The following SPOCK3 variants were observed in gnomAD, a reference collection of about 807,000 sequenced individuals.
The protein encoded by SPOCK3 is SPARC (osteonectin), cwcv and kazal like domains proteoglycan 3, also known as testican-3.
Under a neutral mutation model 56.6 loss-of-function variants are expected in SPOCK3, and 30 were observed. The observed-to-expected ratio is 0.53, with a 90% CI of 0.40 to 0.72. SPOCK3 has a LOEUF of 0.72. Among genes scored for constraint, SPOCK3 ranks in the 30% least tolerant of loss-of-function variants. The pLI is 0.00. For synonymous variants in SPOCK3, 196 were observed against 183.3 expected, an observed-to-expected ratio of 1.07 and a Z score of -0.56; for missense variants, 527 against 530.0, an observed-to-expected ratio of 0.99 and a Z score of 0.06.
At chr4:166,966,636 T>C (rs1404615513) in intron 4 of SPOCK3, among the ~76,000 whole-genome samples, 2 of 152,178 alleles carry the variant, frequency 1.3e-5, no homozygotes, top group Non-Finnish European at 2.9e-5. Context: ...ATGACTACAA[T>C]CATCGTTTGT....
chr4:166,865,117 G>A (rs998857095), intron 6 of SPOCK3, among the ~76,000 whole-genome samples: 1 of 152,182 alleles, frequency 6.6e-6, no homozygotes, highest in Non-Finnish European at 1.5e-5. Context: ...TAGGATGCAA[G>A]GCTGGTTCAA....
intron 4 of SPOCK3, among the ~76,000 whole-genome samples, chr4:166,925,615 G>C (rs1454214848): frequency 6.6e-6 from 1 of 151,856 alleles, no homozygotes; most frequent in Non-Finnish European, 1.5e-5. Flanking sequence ...TGAAATAATA[G>C]AAAATGATTT....
At chr4:167,190,524 T>C (rs1732385984) in intron 2 of SPOCK3, among the ~76,000 whole-genome samples, 2 of 146,328 alleles carry the variant, frequency 1.4e-5, no homozygotes, top group Non-Finnish European at 3.0e-5. Context: ...TGTTAAGCCC[T>C]TATCTGATTT....
At chr4:167,102,873 AG>A (rs1759776696) in intron 2 of SPOCK3, among the ~76,000 whole-genome samples, 2 of 149,186 alleles carry the variant, frequency 1.3e-5, no homozygotes, top group South Asian at 4.3e-4. Flanking sequence ...AGGACGGCTA[AG>A]GAAGTGTTTG....
At chr4:166,810,068 C>T (rs1743607535) in intron 6 of SPOCK3, among the ~76,000 whole-genome samples, 1 of 152,202 alleles carries the variant, frequency 6.6e-6, no homozygotes, top group Non-Finnish European at 1.5e-5. Context: ...ACCCAAACAT[C>T]CAGTTATCTT....
At chr4:167,025,889 ACCTAGGCTACATGGTGGAGCCTATTGCT>A (rs1401385451) in intron 3 of SPOCK3, among the ~76,000 whole-genome samples, 1 of 152,038 alleles carries the variant, frequency 6.6e-6, no homozygotes, top group African/African-American at 2.4e-5. Context: ...TCTACTACTC[ACCTAGGCTACATGGTGGAGCCTATTGCT>A]CCTAGGCTAC....
At chr4:167,140,131 C>A (rs900477344) in intron 2 of SPOCK3, among the ~76,000 whole-genome samples, 1 of 152,008 alleles carries the variant, frequency 6.6e-6, no homozygotes, top group Non-Finnish European at 1.5e-5. Flanking sequence ...CCGGATGGAG[C>A]CATCTTACCT....
At chr4:166,883,841 A>T (rs978198028) in intron 6 of SPOCK3, among the ~76,000 whole-genome samples, 26 of 152,228 alleles carry the variant, frequency 1.7e-4, no homozygotes, top group African/African-American at 5.8e-4. Context: ...AATTTAAGAA[A>T]ATTTAAATAA....
intron 3 of SPOCK3, among the ~76,000 whole-genome samples, chr4:167,055,904 C>T (rs999125354): frequency 6.6e-6 from 1 of 152,170 alleles, no homozygotes; most frequent in Non-Finnish European, 1.5e-5. Flanking sequence ...CAGCACTAAC[C>T]TCTGCAGACT....
At chr4:166,992,104 T>A (rs935005397) in intron 4 of SPOCK3, among the ~76,000 whole-genome samples, 17 of 152,134 alleles carry the variant, frequency 1.1e-4, no homozygotes, top group African/African-American at 4.1e-4. Flanking sequence ...AAACATGTTA[T>A]GTTAAAACAA....
chr4:166,909,506 A>C (rs1737021488), intron 5 of SPOCK3, among the ~76,000 whole-genome samples: 1 of 152,072 alleles, frequency 6.6e-6, no homozygotes, highest in Non-Finnish European at 1.5e-5. Flanking sequence ...AACTTGTAGG[A>C]ATATTATTTG....
intron 2 of SPOCK3, among the ~76,000 whole-genome samples, chr4:167,107,227 G>T (rs902412049): frequency 1.3e-5 from 2 of 151,878 alleles, no homozygotes; most frequent in African/African-American, 4.8e-5. Flanking sequence ...CAATATTCCT[G>T]ATGAATATTA....
At chr4:167,039,071 G>A (rs1753017067) in intron 3 of SPOCK3, among the ~76,000 whole-genome samples, 1 of 152,092 alleles carries the variant, frequency 6.6e-6, no homozygotes, top group African/African-American at 2.4e-5. Flanking sequence ...CTTCTTGAGG[G>A]CTCCAAGAGA....
intron 4 of SPOCK3, among the ~76,000 whole-genome samples, chr4:166,992,885 A>C (rs974972900): frequency 1.3e-5 from 2 of 152,128 alleles, no homozygotes; most frequent in African/African-American, 2.4e-5. Flanking sequence ...TGGATGGCAG[A>C]GTAACAGCTT....
chr4:167,060,403 C>T (rs1321584749), intron 3 of SPOCK3, among the ~76,000 whole-genome samples: 1 of 151,624 alleles, frequency 6.6e-6, no homozygotes, highest in Non-Finnish European at 1.5e-5. Flanking sequence ...CATGTCTTTT[C>T]TATGTAGATG....
chr4:167,011,018 G>T (rs1749992714), intron 3 of SPOCK3, among the ~76,000 whole-genome samples: 1 of 151,802 alleles, frequency 6.6e-6, no homozygotes, highest in African/African-American at 2.4e-5. Context: ...AAGAGCAAGA[G>T]ATTTCATAAC....
chr4:166,942,237 A>G (rs1489149545), intron 4 of SPOCK3, among the ~76,000 whole-genome samples: 1 of 151,852 alleles, frequency 6.6e-6, no homozygotes, highest in African/African-American at 2.4e-5. Context: ...TTTTAGATGG[A>G]GTCTTGCTCT....
At chr4:167,136,128 A>G (rs1181631479) in intron 2 of SPOCK3, among the ~76,000 whole-genome samples, 1 of 152,076 alleles carries the variant, frequency 6.6e-6, no homozygotes, top group Non-Finnish European at 1.5e-5. Context: ...GAAAATGCAA[A>G]TCTCTAGCCC....
intron 6 of SPOCK3, among the ~76,000 whole-genome samples, chr4:166,851,531 G>A (rs1275224133): frequency 6.6e-6 from 1 of 152,138 alleles, no homozygotes; most frequent in Non-Finnish European, 1.5e-5. Context: ...AGCTACAGGA[G>A]GAAATTCAAA....
Sources: gnomAD v4.1 joint callset for allele counts (sites outside exome capture counted in the v4.1 genomes callset) on GRCh38, gnomAD v4.1.1 for gene constraint, MANE v1.5 for transcripts, NCBI Gene and HGNC (gene_info 2026-07-23, HGNC 2026-07-21) for gene names.